ZNF804A: variants seen among roughly 807,000 people sequenced by gnomAD.
ZNF804A encodes zinc finger protein 804A.
A neutral mutation model predicts 16.5 loss-of-function variants in ZNF804A; 2 were observed. That is an observed-to-expected ratio of 0.12 (90% CI 0.05 to 0.38). ZNF804A has a LOEUF of 0.38. Among genes scored for constraint, ZNF804A ranks in the 10% least tolerant of loss-of-function variants. The pLI is 0.99. For synonymous variants in ZNF804A, 534 were observed against 489.6 expected (o/e 1.09, Z -1.20); for missense variants, 1,473 against 1,390.7 (o/e 1.06, Z -0.94).
chr2:184,613,196 A>G (rs1304536742), intron 1 of ZNF804A, among the ~76,000 whole-genome samples: 1 of 152,224 alleles, frequency 6.6e-6, no homozygotes, highest in Admixed American at 6.5e-5. Flanking sequence ...TAAGGGCAAT[A>G]TCTATTCACA....
intron 1 of ZNF804A, among the ~76,000 whole-genome samples, chr2:184,860,823 A>G (rs1695788494): frequency 6.6e-6 from 1 of 152,190 alleles, no homozygotes; most frequent in Non-Finnish European, 1.5e-5. Context: ...GTAGACTTTT[A>G]GCTGATGAAG....
chr2:184,890,597 T>C (rs1181378430), intron 2 of ZNF804A, among the ~76,000 whole-genome samples: 1 of 152,044 alleles, frequency 6.6e-6, no homozygotes, highest in African/African-American at 2.4e-5. Context: ...CTCAATCATA[T>C]ATATTCTAAA....
chr2:184,651,887 T>C, intron 1 of ZNF804A, among the ~76,000 whole-genome samples: 1 of 152,248 alleles, frequency 6.6e-6, no homozygotes, highest in East Asian at 1.9e-4. Flanking sequence ...TTTAGAGGTT[T>C]CTCACAGAAG....
chr2:184,899,126 C>A (rs982691621), intron 2 of ZNF804A, among the ~76,000 whole-genome samples: 11 of 151,926 alleles, frequency 7.2e-5, no homozygotes, highest in African/African-American at 2.7e-4. Flanking sequence ...ATACATGGTT[C>A]GTATTAATCA....
rs139408178 is a variant in ZNF804A, at chr2:184,921,056, G to A, written c.256-12547G>A. On this transcript the variant is annotated intron_variant, in intron 2 of 3. Transcript: ENST00000302277. ...AAATTTTTGTATTTTTAATAGAAAC[G>A]GAGTTTTACCATATTGGCCTGGTTG... Among the ~76,000 whole-genome samples the A allele has an allele frequency of 3.3e-3, 499 of 152,186 alleles. 2 individuals are homozygous for A. Among genetic ancestry groups the A allele is most frequent in the African/African-American group, 0.011 (476 of 41,516 alleles).
In ZNF804A at chr2:184,785,631, T is replaced by C. The variant is rs80257552; in HGVS notation, c.112-80738T>C. 3.0e-4 allele frequency among the ~76,000 whole-genome samples: 45 copies of C among 152,074 alleles called. No individual in the cohort carries two copies. The East Asian group carries it at 4.3e-3, about 14-fold the overall frequency. ...AAATCCAATTCAAGTCTGGCTAAGA[T>C]TAGTAAGAACAAGAAGGTTGCAAAA... On this transcript the variant is annotated intron_variant, in intron 1 of 3. Transcript: ENST00000302277.
intron 1 of ZNF804A, among the ~76,000 whole-genome samples, chr2:184,843,554 G>A (rs979880881): frequency 3.3e-5 from 5 of 152,084 alleles, no homozygotes; most frequent in Admixed American, 6.6e-5. Flanking sequence ...GATTACAGGC[G>A]TGAGCCACCA....
intron 1 of ZNF804A, among the ~76,000 whole-genome samples, chr2:184,745,966 T>C (rs1377366138): frequency 6.6e-6 from 1 of 151,690 alleles, no homozygotes; most frequent in African/African-American, 2.4e-5. Context: ...TTTGACATTA[T>C]TAAATAAAAG....
chr2:184,604,323 A>G (rs924650279), intron 1 of ZNF804A, among the ~76,000 whole-genome samples: 2 of 151,400 alleles, frequency 1.3e-5, no homozygotes, highest in Admixed American at 1.3e-4. Flanking sequence ...GGTGCCCGCC[A>G]TCGCGCCCGG....
At chr2:184,865,552 A>G (rs922032301) in intron 1 of ZNF804A, among the ~76,000 whole-genome samples, 1 of 152,110 alleles carries the variant, frequency 6.6e-6, no homozygotes, top group Non-Finnish European at 1.5e-5. Flanking sequence ...ATTGACATTT[A>G]AGTAAGCATG....
chr2:184,733,035 C>A (rs1693545035), intron 1 of ZNF804A, among the ~76,000 whole-genome samples: 1 of 152,000 alleles, frequency 6.6e-6, no homozygotes, highest in Non-Finnish European at 1.5e-5. Context: ...CTTGTCTTGT[C>A]TTATTAATTA....
intron 1 of ZNF804A, among the ~76,000 whole-genome samples, chr2:184,718,418 C>G (rs1281589718): frequency 6.6e-6 from 1 of 152,094 alleles, no homozygotes; most frequent in Non-Finnish European, 1.5e-5. Flanking sequence ...AAGAGTCCCC[C>G]AAAGATTTAA....
At chr2:184,923,710 T>A (rs1186529114) in intron 2 of ZNF804A, among the ~76,000 whole-genome samples, 4 of 152,034 alleles carry the variant, frequency 2.6e-5, no homozygotes, top group African/African-American at 9.7e-5. Flanking sequence ...TTTTATTATG[T>A]TGAGGTATGC....
At chr2:184,890,526 G>A (rs897708815) in intron 2 of ZNF804A, among the ~76,000 whole-genome samples, 5 of 152,008 alleles carry the variant, frequency 3.3e-5, no homozygotes, top group African/African-American at 9.7e-5. Flanking sequence ...AAGAGAAAAT[G>A]AAAGCACATA....
intron 1 of ZNF804A, among the ~76,000 whole-genome samples, chr2:184,760,697 T>G (rs539793471): frequency 6.6e-6 from 1 of 152,254 alleles, no homozygotes; most frequent in East Asian, 1.9e-4. Context: ...GGTTGGCTGT[T>G]TTTGGCTACA....
intron 1 of ZNF804A, among the ~76,000 whole-genome samples, chr2:184,793,108 CT>C (rs988879294): frequency 1.3e-5 from 2 of 152,098 alleles, no homozygotes; most frequent in Admixed American, 6.6e-5. Context: ...TGATTCCCTT[CT>C]TTTTTTGTGG....
At chr2:184,619,831 T>C (rs897970572) in intron 1 of ZNF804A, among the ~76,000 whole-genome samples, 3 of 151,844 alleles carry the variant, frequency 2.0e-5, no homozygotes, top group African/African-American at 7.2e-5. Context: ...GAAGAATAAA[T>C]ACAGCAGAGA....
intron 3 of ZNF804A, 101 bp downstream of exon 3, chr2:184,933,834 C>G: frequency 3.3e-6 from 4 of 1,220,304 alleles, no homozygotes; most frequent in Non-Finnish European, 4.5e-6. Context: ...ATTACTGTAC[C>G]CAGAATAAGG....
intron 1 of ZNF804A, among the ~76,000 whole-genome samples, chr2:184,804,285 G>A (rs1694768742): frequency 6.6e-6 from 1 of 152,108 alleles, no homozygotes; most frequent in Non-Finnish European, 1.5e-5. Flanking sequence ...TGCCAAACAA[G>A]GTGACATTCA....
Sources: allele counts gnomAD v4.1 joint callset (sites outside exome capture counted in the v4.1 genomes callset), GRCh38; gene constraint gnomAD v4.1.1; transcripts MANE v1.5; gene names NCBI Gene and HGNC (gene_info 2026-07-23, HGNC 2026-07-21).